The following TAP2 variants were observed in gnomAD, a reference collection of about 807,000 sequenced individuals.
TAP2 encodes the protein antigen peptide transporter 2.
In TAP2, 49 loss-of-function variants were observed where a neutral mutation model predicts 74.7. The ratio of observed to expected loss-of-function variants is 0.66; its 90% CI spans 0.52 to 0.83. The LOEUF is 0.83. Ranked by LOEUF, TAP2 falls within the 40% of genes least tolerant of loss-of-function variation. The probability of loss-of-function intolerance (pLI) is 0.00; values close to 1 mark genes in which losing one functional copy is unlikely to be tolerated. For synonymous variants in TAP2, 306 were observed against 368.4 expected (o/e 0.83, Z 1.94); for missense variants, 739 against 859.0 (o/e 0.86, Z 1.75).
intron 10 of TAP2, 127 bp from the exon 11 acceptor site, chr6:32,829,663 GC>G: frequency 6.8e-7 from 1 of 1,461,502 alleles, no homozygotes; most frequent in Non-Finnish European, 9.4e-7. Flanking sequence ...TGCGGGGAGG[GC>G]CCAGTGGGAG....
downstream of TAP2, among the ~76,000 whole-genome samples, chr6:32,823,268 G>A (rs1768423551): frequency 1.3e-5 from 2 of 152,104 alleles, no homozygotes; most frequent in Admixed American, 1.3e-4. Context: ...GGGAATTAAA[G>A]TGTTCTATTG....
chr6:32,825,126 T>TTAGATATATATATATA (rs1554230834), downstream of TAP2, among the ~76,000 whole-genome samples: 4 of 140,788 alleles, frequency 2.8e-5, no homozygotes, highest in African/African-American at 1.1e-4. Flanking sequence ...TGTCTGTTGG[T>TTAGATATATATATATA]TATATACATA....
Position 32,826,815 on chromosome 6 carries a change from G to GCA in TAP2, c.*2090_*2091insTG, listed in dbSNP as rs1768681308. On this transcript the variant is annotated 3_prime_UTR_variant, in exon 12 of 12. Coordinates refer to ENST00000374897, the MANE Select transcript of TAP2 (RefSeq NM_001290043.2). ...AGTATTATGATGCATGGGTATAACT[G>GCA]TACTGAGGAAATCAAAGAATTTCTC... 1.0e-6 allele frequency: 1 copy of GCA among 985,304 alleles called. No homozygotes were observed. Among genetic ancestry groups the GCA allele is most frequent in the Non-Finnish European group, 1.2e-6 (1 of 829,950 alleles). 61.0% of individuals were successfully genotyped at this position (985,304 alleles called of 1,614,324 possible).
Position 32,826,483 on chromosome 6 carries a change from A to T in TAP2, c.*2423T>A. The T allele has an allele frequency of 1.0e-6, 1 of 985,450 alleles. No individual in the cohort carries two copies. Among genetic ancestry groups the T allele is most frequent in the Non-Finnish European group, 1.2e-6 (1 of 829,938 alleles). The allele number at this position is 985,450 out of a possible 1,614,324, so 61.0% of individuals were successfully genotyped here. A position where few individuals can be genotyped will look rare whatever the true frequency, so the allele number is the denominator to read the frequency against. ...GAGTGAACAAAAAGAACTCTGGAGCAAACCAGGATTAGTGACATCTGTGGT... is the reference window on the plus strand; with the variant it reads ...GAGTGAACAAAAAGAACTCTGGAGCTAACCAGGATTAGTGACATCTGTGGT... On this transcript the variant is annotated 3_prime_UTR_variant, in exon 12 of 12. Transcript: ENST00000374897.
At chr6:32,836,363 T>C (rs1026335515) in intron 3 of TAP2, among the ~76,000 whole-genome samples, 1 of 152,226 alleles carries the variant, frequency 6.6e-6, no homozygotes, top group Non-Finnish European at 1.5e-5. Context: ...GGAAAAAATA[T>C]AAAGCATAAA....
At chr6:32,829,110 T>C (rs1410502854) in intron 11 of TAP2, 76 bp from the exon 12 acceptor site, 1 of 1,514,856 alleles carries the variant, frequency 6.6e-7, no homozygotes, top group African/African-American at 1.4e-5. Context: ...CCATCTCTTA[T>C]GATTTAGGGT....
chr6:32,824,660 T>C (rs1194011259), downstream of TAP2, among the ~76,000 whole-genome samples: 2 of 152,170 alleles, frequency 1.3e-5, no homozygotes, highest in East Asian at 3.8e-4. Context: ...TATTATTTAA[T>C]TTCCCCTTAC....
chr6:32,831,885 G>A (rs183798998), intron 7 of TAP2, among the ~76,000 whole-genome samples: 4 of 152,218 alleles, frequency 2.6e-5, no homozygotes, highest in Admixed American at 2.6e-4. Flanking sequence ...TATACTACAT[G>A]GATACCACAA....
chr6:32,837,132 A>G (rs241425), intron 3 of TAP2, among the ~76,000 whole-genome samples: 95,562 of 151,998 alleles, frequency 0.63, 30,718 homozygotes, highest in African/African-American at 0.74. Flanking sequence ...AGAAGAGTGA[A>G]AGGGAGAAGC....
chr6:32,833,105 G>A (rs1174502730), intron 5 of TAP2, among the ~76,000 whole-genome samples: 1 of 152,138 alleles, frequency 6.6e-6, no homozygotes, highest in Non-Finnish European at 1.5e-5. Context: ...AGGAAAGAAG[G>A]GTAGTTTTCC....
chr6:32,822,431 A>C (rs1768343429), downstream of TAP2: 1 of 694,310 alleles, frequency 1.4e-6, no homozygotes, highest in Admixed American at 3.0e-5. Flanking sequence ...TAATAAGTAA[A>C]TTCATCTACA....
intron 5 of TAP2, among the ~76,000 whole-genome samples, chr6:32,833,740 C>T (rs888620509): frequency 1.7e-4 from 26 of 152,270 alleles, no homozygotes; most frequent in African/African-American, 6.3e-4. Context: ...TGGTTTGATA[C>T]GATCTGGCTG....
chr6:32,822,917 C>CTTTTTTTTTTTTTTT (rs3041453), downstream of TAP2, among the ~76,000 whole-genome samples: 1 of 110,000 alleles, frequency 9.1e-6, no homozygotes, highest in Non-Finnish European at 1.8e-5. Context: ...TGTGTTCATA[C>CTTTTTTTTTTTTTTT]TTTTTTTTTT....
chr6:32,822,488 T>A (rs1768346275), downstream of TAP2, among the ~76,000 whole-genome samples: 1 of 152,184 alleles, frequency 6.6e-6, no homozygotes, highest in African/African-American at 2.4e-5. Flanking sequence ...ATATTATACT[T>A]GCTTCATAAA....
downstream of TAP2, among the ~76,000 whole-genome samples, chr6:32,822,478 A>G (rs1768345696): frequency 6.6e-6 from 1 of 152,170 alleles, no homozygotes; most frequent in Non-Finnish European, 1.5e-5. Context: ...TTTAACATCA[A>G]TATTATACTT....
At chr6:32,831,847 C>T (rs1431932407) in intron 7 of TAP2, among the ~76,000 whole-genome samples, 1 of 152,176 alleles carries the variant, frequency 6.6e-6, no homozygotes, top group Non-Finnish European at 1.5e-5. Flanking sequence ...CTGATTTAAG[C>T]AAAGTATAAT....
chr6:32,831,403 C>T (rs1025103530), intron 7 of TAP2, among the ~76,000 whole-genome samples: 4 of 152,202 alleles, frequency 2.6e-5, no homozygotes, highest in Non-Finnish European at 5.9e-5. Flanking sequence ...GAGTATCTCC[C>T]TTTTGCAGCC....
downstream of TAP2, among the ~76,000 whole-genome samples, chr6:32,824,440 G>A (rs1768505699): frequency 2.0e-5 from 3 of 151,998 alleles, no homozygotes; most frequent in South Asian, 6.2e-4. Flanking sequence ...ATCTTATGAA[G>A]GGCATATAAC....
At chr6:32,823,492 G>A (rs549274374), downstream of TAP2, among the ~76,000 whole-genome samples, 9 of 124,858 alleles carry the variant, frequency 7.2e-5, no homozygotes, top group African/African-American at 2.8e-4. Context: ...TTGGTAAGAC[G>A]AATGTGACCT....
Sources: allele counts gnomAD v4.1 joint callset (sites outside exome capture counted in the v4.1 genomes callset), GRCh38; gene constraint gnomAD v4.1.1; transcripts MANE v1.5; gene names NCBI Gene and HGNC (gene_info 2026-07-23, HGNC 2026-07-21).